The following NEK6 variants were observed in gnomAD, a reference collection of about 807,000 sequenced individuals.
NEK6 encodes the protein serine/threonine-protein kinase Nek6.
NEK6 carries 27 observed loss-of-function variants against 43.5 expected under a neutral mutation model. The observed-to-expected ratio is 0.62, with a 90% CI of 0.46 to 0.86. NEK6 has a LOEUF of 0.86. Ranked by LOEUF, NEK6 falls within the 40% of genes least tolerant of loss-of-function variation. NEK6 has a pLI of 0.00. For synonymous variants in NEK6, 167 were observed against 164.1 expected (o/e 1.02, Z -0.14); for missense variants, 318 against 414.4 (o/e 0.77, Z 2.02).
Position 124,298,936 on chromosome 9 carries a change from G to A in NEK6, c.-29-3000G>A, listed in dbSNP as rs543257438. On this transcript the variant is annotated intron_variant, in intron 1 of 9. Coordinates refer to ENST00000320246, the MANE Select transcript of NEK6 (RefSeq NM_014397.6). ...CGGTCCCCCTTGCACTGCTCCTGGA[G>A]CCCTGCCCATGTGAGGCCACAGGTG... Among the ~76,000 whole-genome samples the A allele has an allele frequency of 4.6e-5, 7 of 152,374 alleles. No homozygotes were observed. The South Asian group carries it at 1.4e-3, about 32-fold the overall frequency.
intron 1 of NEK6, among the ~76,000 whole-genome samples, chr9:124,264,814 CA>C (rs372219790): frequency 1.9e-3 from 167 of 88,670 alleles, no homozygotes; most frequent in Middle Eastern, 0.012. Flanking sequence ...GACTCTGTAT[CA>C]AAAAAAAAAA....
chr9:124,270,374 C>G, intron 1 of NEK6, among the ~76,000 whole-genome samples: 1 of 152,232 alleles, frequency 6.6e-6, no homozygotes, highest in Non-Finnish European at 1.5e-5. Context: ...TGGTGTCTTC[C>G]CATTCTGCAG....
At chr9:124,312,313 G>T (rs113097292) in intron 2 of NEK6, among the ~76,000 whole-genome samples, 196 bp from the exon 3 acceptor site, 2,631 of 152,288 alleles carry the variant, frequency 0.017, 72 homozygotes, top group African/African-American at 0.06. Context: ...TGCACTGGGG[G>T]TCCTTGAGGG....
Position 124,351,227 on chromosome 9 carries a change from G to A in NEK6, c.*280G>A, listed in dbSNP as rs1458618930. 2.0e-5 allele frequency: 7 copies of A among 345,650 alleles called. No individual in the cohort carries two copies. The highest frequency in any genetic ancestry group is 7.0e-5 in the South Asian group (2 of 28,632). The allele number at this position is 345,650 out of a possible 1,614,324, so 21.4% of individuals were successfully genotyped here. A position where few individuals can be genotyped will look rare whatever the true frequency, so the allele number is the denominator to read the frequency against. Reference sequence around the variant, plus strand: ...AAGGGCAGGTGGTTCAGCGAGCCACGGCAGCCCCCTGTATCTGGATTGTAA... The same window carrying A: ...AAGGGCAGGTGGTTCAGCGAGCCACAGCAGCCCCCTGTATCTGGATTGTAA... On this transcript the variant is annotated 3_prime_UTR_variant, in exon 10 of 10. Coordinates refer to ENST00000320246, the MANE Select transcript of NEK6 (RefSeq NM_014397.6).
chr9:124,302,910 G>A (rs771347377), intron 2 of NEK6, among the ~76,000 whole-genome samples: 3 of 152,262 alleles, frequency 2.0e-5, no homozygotes, highest in Non-Finnish European at 2.9e-5. Flanking sequence ...GAGGGGCCCC[G>A]CGTGCTCGCT....
At chr9:124,300,156 G>A (rs1394279802) in intron 1 of NEK6, 3 of 152,190 alleles carry the variant, frequency 2.0e-5, no homozygotes, top group Non-Finnish European at 4.4e-5. Context: ...CAAGCTCAGC[G>A]GGTGAGTTAG....
chr9:124,348,927 T>G (rs370413522), intron 9 of NEK6, among the ~76,000 whole-genome samples: 1 of 152,250 alleles, frequency 6.6e-6, no homozygotes, highest in Non-Finnish European at 1.5e-5. Flanking sequence ...TGAACCCACA[T>G]GCGCAGCCAC....
chr9:124,350,854 C>A lies in NEK6; in HGVS notation c.849C>A (p.Ser283Arg). ...HYSEKLRELV[S>R]MCICPDPHQR... ...CCCTGCAGTTACGAGAACTGGTCAG[C>A]ATGTGCATCTGCCCTGACCCCCACC... The change falls in exon 10 of 10, where the codon AGC (serine) becomes AGA (arginine). Residue 283 changes from serine to arginine, a missense_variant. Ser to Arg is a moderately radical substitution (Grantham distance 110). This residue lies in a region of NEK6 where 79 missense variants were observed against 70.0 expected (regional missense o/e 1.13). Transcript: ENST00000320246. 6.2e-7 allele frequency: 1 copy of A among 1,612,352 alleles called. No homozygotes were observed. Among genetic ancestry groups the A allele is most frequent in the Non-Finnish European group, 8.5e-7 (1 of 1,179,492 alleles).
At chr9:124,302,205 A>G in intron 2 of NEK6, 151 bp downstream of exon 2, 2 of 603,662 alleles carry the variant, frequency 3.3e-6, no homozygotes, top group Middle Eastern at 2.6e-4. Flanking sequence ...GGAGCTCGCT[A>G]CCAAATCTAG....
rs532321257 is a variant in NEK6, at chr9:124,346,417, G to A, written c.718-1292G>A. On this transcript the variant is annotated intron_variant, in intron 8 of 9. Coordinates refer to ENST00000320246, the MANE Select transcript of NEK6 (RefSeq NM_014397.6). ...CTCCTCCCCGCTCAGCCTCTGGGGCGCGAGGACAAGCGACGGTTCCCCAGG... is the reference window on the plus strand; with the variant it reads ...CTCCTCCCCGCTCAGCCTCTGGGGCACGAGGACAAGCGACGGTTCCCCAGG... 2.7e-4 allele frequency among the ~76,000 whole-genome samples: 41 copies of A among 152,296 alleles called. 4 individuals carry two copies. The highest frequency in any genetic ancestry group is 2.5e-3 in the South Asian group (12 of 4,828).
intron 7 of NEK6, among the ~76,000 whole-genome samples, chr9:124,333,773 C>CTTTTTTT (rs148074227): frequency 2.5e-5 from 3 of 120,018 alleles, no homozygotes; most frequent in African/African-American, 9.4e-5. Flanking sequence ...CATTTCAGTC[C>CTTTTTTT]TTTTTTTTTT....
chr9:124,291,487 A>G (rs867176891), intron 1 of NEK6, among the ~76,000 whole-genome samples: 6 of 152,250 alleles, frequency 3.9e-5, no homozygotes, highest in Admixed American at 1.3e-4. Flanking sequence ...TTAGCCGGGC[A>G]TGGTGGTGGG....
At chr9:124,295,771 T>TGG (rs1293976901) in intron 1 of NEK6, among the ~76,000 whole-genome samples, 1 of 152,236 alleles carries the variant, frequency 6.6e-6, no homozygotes, top group South Asian at 2.1e-4. Flanking sequence ...CCAGTGTGCC[T>TGG]GGGCGTGGCA....
chr9:124,328,556 C>T (rs1298273750), intron 7 of NEK6, among the ~76,000 whole-genome samples: 1 of 152,206 alleles, frequency 6.6e-6, no homozygotes, highest in Non-Finnish European at 1.5e-5. Context: ...CATTCCAGCT[C>T]ATTTCCACCC....
At chr9:124,330,238 A>G (rs1828904279) in intron 7 of NEK6, among the ~76,000 whole-genome samples, 2 of 152,276 alleles carry the variant, frequency 1.3e-5, no homozygotes, top group South Asian at 4.1e-4. Context: ...AATGAGCGTC[A>G]GACGAATTAC....
At chr9:124,260,660 C>G (rs938443981) in intron 1 of NEK6, among the ~76,000 whole-genome samples, 1 of 152,220 alleles carries the variant, frequency 6.6e-6, no homozygotes, top group Non-Finnish European at 1.5e-5. Flanking sequence ...CTTGGCCTCC[C>G]AAAGTGCTGG....
At chr9:124,282,662 A>G (rs905704502) in intron 1 of NEK6, among the ~76,000 whole-genome samples, 1 of 151,314 alleles carries the variant, frequency 6.6e-6, no homozygotes, top group Non-Finnish European at 1.5e-5. Context: ...ACTCAGGGGC[A>G]CGGGAGGGCC....
At chr9:124,313,755 G>C (rs867110281) in intron 3 of NEK6, among the ~76,000 whole-genome samples, 168 bp from the exon 4 acceptor site, 1 of 152,220 alleles carries the variant, frequency 6.6e-6, no homozygotes, top group Middle Eastern at 3.4e-3. Context: ...GTGCTGGGGG[G>C]ACCCACAGTG....
chr9:124,300,661 G>A lies in NEK6; in HGVS notation c.-29-1275G>A, dbSNP rs1327420392. 3.3e-5 allele frequency among the ~76,000 whole-genome samples: 5 copies of A among 152,186 alleles called. No homozygotes were observed. In the South Asian group the frequency reaches 8.3e-4, roughly 25 times the overall value. On this transcript the variant is annotated intron_variant, in intron 1 of 9. Coordinates refer to ENST00000320246, the MANE Select transcript of NEK6 (RefSeq NM_014397.6). ...CCAGGAATGGGCAGGAGACGGACCA[G>A]AGGTTCCTTCTCAGACAAAACCCGC...
Sources: gnomAD v4.1 joint callset for allele counts (sites outside exome capture counted in the v4.1 genomes callset) on GRCh38, gnomAD v4.1.1 for gene constraint, gnomAD v4.1.1 regional missense constraint, MANE v1.5 for transcripts, NCBI Gene and HGNC (gene_info 2026-07-23, HGNC 2026-07-21) for gene names.